The following MYO5B variants were observed in gnomAD, a reference collection of about 807,000 sequenced individuals.
MYO5B encodes unconventional myosin-Vb.
Under a neutral mutation model 229.3 loss-of-function variants are expected in MYO5B, and 143 were observed. The ratio of observed to expected loss-of-function variants is 0.62; its 90% CI spans 0.54 to 0.72. MYO5B has a LOEUF of 0.72. MYO5B is among the 30% of genes least tolerant of loss of function. The pLI is 0.00. For missense variants in MYO5B, 2,321 were observed against 2,331.0 expected (o/e 1.00, Z 0.09); for synonymous variants, 918 against 885.2 (o/e 1.04, Z -0.66).
intron 10 of MYO5B, among the ~76,000 whole-genome samples, chr18:49,964,549 G>T (rs1271193546): frequency 6.6e-6 from 1 of 152,206 alleles, no homozygotes; most frequent in Non-Finnish European, 1.5e-5. Context: ...TTTACTGGGA[G>T]TCTGGGAATG....
rs543928562 is a variant in MYO5B, at chr18:49,885,820, G to A, written c.3046-5365C>T. Among the ~76,000 whole-genome samples, 41 of 152,294 alleles carry A rather than the reference G, an allele frequency of 2.7e-4. No individual in the cohort carries two copies. In the Middle Eastern group the frequency reaches 0.01, roughly 38 times the overall value. On this transcript the variant is annotated intron_variant, in intron 22 of 39. Transcript: ENST00000285039. ...CTTAAAGGTGCCTCAGCTACTCTGG[G>A]GAGCTGCTGATGGGTCTGTAGTGGC...
At chr18:50,142,533 G>A (rs943067394) in intron 1 of MYO5B, among the ~76,000 whole-genome samples, 1 of 152,144 alleles carries the variant, frequency 6.6e-6, no homozygotes, top group Non-Finnish European at 1.5e-5. Context: ...TGGGAATATG[G>A]GGGGTTTGTG....
chr18:49,916,070 C>T (rs908651154), intron 17 of MYO5B, among the ~76,000 whole-genome samples: 5 of 152,256 alleles, frequency 3.3e-5, no homozygotes, highest in Admixed American at 3.3e-4. Context: ...CTGCCCTGCC[C>T]TTTCCTTCCG....
rs1302647511 is a variant in MYO5B, at chr18:49,826,617, G to C, written c.5401C>G (p.Leu1801Val). 6.2e-7 allele frequency: 1 copy of C among 1,613,054 alleles called. No homozygotes were observed. The highest frequency in any genetic ancestry group is 1.3e-5 in the African/African-American group (1 of 74,866). ...VAFIRTIQAQ[L>V]QERNDPQQLL... ...TGCTGAGGGTCATTCCGCTCTTGTA[G>C]TTGTGCCTATGGGGAAGAATAAGAC... Residue 1801 changes from leucine (L) to valine (V), a missense_variant, in exon 40 of 40, where the codon CTA (leucine) becomes GTA (valine). Physicochemically the swap from Leu to Val is conservative, Grantham distance 32. This residue lies in a region of MYO5B where 208 missense variants were observed against 286.3 expected (regional missense o/e 0.73). Coordinates refer to ENST00000285039, the MANE Select transcript of MYO5B (RefSeq NM_001080467.3).
chr18:49,976,462 CAGA>C (rs1381311203), intron 9 of MYO5B, among the ~76,000 whole-genome samples: 1 of 152,172 alleles, frequency 6.6e-6, no homozygotes, highest in Non-Finnish European at 1.5e-5. Context: ...CTTTACTTAA[CAGA>C]AGGAGAGGAT....
At chr18:49,953,400 A>G in intron 13 of MYO5B, 57 bp from the exon 14 acceptor site, 1 of 1,473,994 alleles carries the variant, frequency 6.8e-7, no homozygotes, top group Non-Finnish European at 9.5e-7. Flanking sequence ...CAGTTTCTCA[A>G]CCACTTTCAT....
chr18:50,187,714 G>C (rs558639378), intron 1 of MYO5B, among the ~76,000 whole-genome samples: 1 of 152,022 alleles, frequency 6.6e-6, no homozygotes. Flanking sequence ...ATGAGGTCTC[G>C]CTATGTTGTC....
intron 4 of MYO5B, among the ~76,000 whole-genome samples, chr18:50,023,297 T>C (rs2026296784): frequency 6.6e-6 from 1 of 152,168 alleles, no homozygotes; most frequent in African/African-American, 2.4e-5. Context: ...CCACTTAGCC[T>C]ACATGACCTA....
intron 1 of MYO5B, among the ~76,000 whole-genome samples, chr18:50,151,316 A>G (rs565568073): frequency 6.6e-6 from 1 of 152,342 alleles, no homozygotes; most frequent in African/African-American, 2.4e-5. Flanking sequence ...TCCTGAGAAC[A>G]GTGGACTGAC....
intron 19 of MYO5B, among the ~76,000 whole-genome samples, chr18:49,905,416 G>C (rs2024888402): frequency 6.6e-6 from 1 of 152,048 alleles, no homozygotes; most frequent in Non-Finnish European, 1.5e-5. Context: ...TCACCTCCCA[G>C]ATAAAGCCAG....
At chr18:50,124,166 A>G (rs1374321003) in intron 1 of MYO5B, among the ~76,000 whole-genome samples, 1 of 152,250 alleles carries the variant, frequency 6.6e-6, no homozygotes, top group Non-Finnish European at 1.5e-5. Flanking sequence ...CAAATACCAG[A>G]TACATCCTCC....
chr18:49,936,026 T>C (rs974410121), intron 16 of MYO5B, among the ~76,000 whole-genome samples: 2 of 152,248 alleles, frequency 1.3e-5, no homozygotes, highest in African/African-American at 4.8e-5. Context: ...TGACCACCAC[T>C]ATACGGGGAA....
At chr18:50,178,074 A>G (rs1416640875) in intron 1 of MYO5B, among the ~76,000 whole-genome samples, 1 of 152,222 alleles carries the variant, frequency 6.6e-6, no homozygotes, top group Non-Finnish European at 1.5e-5. Context: ...TAAGCATCAA[A>G]AAGACTCTCG....
Position 49,879,040 on chromosome 18 carries a change from C to T in MYO5B, c.3181G>A (p.Glu1061Lys). 1 of 1,599,062 alleles carries T rather than the reference C, an allele frequency of 6.3e-7. No homozygotes were observed. Among genetic ancestry groups the T allele is most frequent in the South Asian group, 1.1e-5 (1 of 89,854 alleles). Residue 1061 changes from glutamate to lysine, a missense_variant, in exon 24 of 40, where the codon GAG becomes AAG. Glu to Lys is a moderately conservative substitution (Grantham distance 56, BLOSUM62 1). Around this residue, in one of 2 missense-constraint regions of MYO5B, gnomAD observed 2,113 missense variants for 2,044.7 expected, o/e 1.03. Transcript: ENST00000285039. ...TTCTGGTACCGGGATCGCTCCTCCT[C>T]CAGTTCTTTCTTCATGAGATTTTCC... ...VKENLMKKEL[E>K]EERSRYQNLV...
chr18:49,972,248 A>C (rs1409646071), intron 10 of MYO5B, among the ~76,000 whole-genome samples: 1 of 152,204 alleles, frequency 6.6e-6, no homozygotes, highest in Non-Finnish European at 1.5e-5. Flanking sequence ...TAGAGAAAAC[A>C]AACAATTACA....
intron 1 of MYO5B, among the ~76,000 whole-genome samples, chr18:50,185,526 T>G (rs770889649): frequency 6.6e-6 from 1 of 152,224 alleles, no homozygotes; most frequent in Non-Finnish European, 1.5e-5. Flanking sequence ...AGCTAGAAGA[T>G]AGGATCTTGA....
intron 2 of MYO5B, among the ~76,000 whole-genome samples, chr18:50,054,410 T>C (rs564718421): frequency 6.6e-6 from 1 of 152,352 alleles, no homozygotes; most frequent in South Asian, 2.1e-4. Flanking sequence ...CTGCCATTTA[T>C]CATAATACTT....
rs116305762 is a variant in MYO5B, at chr18:50,101,002, G to A, written c.28-45624C>T. ...ACCACAGGTCCGGGGAAGGGAAATGGGGAGGTATTGAACAATCAGTTACAA... is the reference window on the plus strand; with the variant it reads ...ACCACAGGTCCGGGGAAGGGAAATGAGGAGGTATTGAACAATCAGTTACAA... On this transcript the variant is annotated intron_variant, in intron 1 of 39. Coordinates refer to ENST00000285039, the MANE Select transcript of MYO5B (RefSeq NM_001080467.3). Among the ~76,000 whole-genome samples the A allele has an allele frequency of 7.8e-3, 1,185 of 152,298 alleles. 8 individuals are homozygous for A. The highest frequency in any genetic ancestry group is 0.027 in the African/African-American group (1,125 of 41,560).
intron 1 of MYO5B, among the ~76,000 whole-genome samples, chr18:50,107,126 T>TC (rs1301570372): frequency 3.7e-5 from 5 of 136,964 alleles, no homozygotes; most frequent in South Asian, 2.6e-4. Flanking sequence ...TTTTTTTTTT[T>TC]TTTTTTTTTT....
Sources: gnomAD v4.1 joint callset for allele counts (sites outside exome capture counted in the v4.1 genomes callset) on GRCh38, gnomAD v4.1.1 for gene constraint, gnomAD v4.1.1 regional missense constraint, MANE v1.5 for transcripts, NCBI Gene and HGNC (gene_info 2026-07-23, HGNC 2026-07-21) for gene names.